ABCC1: variants seen among roughly 807,000 people sequenced by gnomAD.
ABCC1 encodes the protein ATP binding cassette subfamily C member 1 (ABCC1 blood group).
A neutral mutation model predicts 172.9 loss-of-function variants in ABCC1; 83 were observed. The ratio of observed to expected loss-of-function variants is 0.48; its 90% CI spans 0.40 to 0.58. The LOEUF (loss-of-function observed/expected upper bound fraction) is 0.58. Ranked by LOEUF, ABCC1 falls within the 20% of genes least tolerant of loss-of-function variation. The pLI, the probability that ABCC1 is intolerant of heterozygous loss-of-function variation, is 0.00. For missense variants in ABCC1, 1,817 were observed against 2,002.7 expected (o/e 0.91, Z 1.77); for synonymous variants, 937 against 825.2 (o/e 1.14, Z -2.32).
chr16:16,136,040 C>T (rs2045902734), intron 28 of ABCC1, among the ~76,000 whole-genome samples: 2 of 149,552 alleles, frequency 1.3e-5, no homozygotes, highest in South Asian at 4.2e-4. Flanking sequence ...ATTATTAAGG[C>T]AATTTTTTTT....
At position 16,138,548 on chromosome 16, in the gene ABCC1, G is replaced by A; in HGVS notation, c.4477G>A (p.Asp1493Asn). Reference sequence around the variant, plus strand: ...CGCCCACCGGCTCAACACCATCATGGACTACACAAGGTGATGCCACTGGCA... The same window carrying A: ...CGCCCACCGGCTCAACACCATCATGAACTACACAAGGTGATGCCACTGGCA... ...TIAHRLNTIM[D>N]YTRVIVLDKG... Residue 1493 changes from aspartate to asparagine, a missense_variant, in exon 30 of 31, where the codon GAC becomes AAC. Asp to Asn is a conservative substitution (Grantham distance 23). Transcript: ENST00000399410. 6.3e-7 allele frequency: 1 copy of A among 1,592,758 alleles called. No homozygotes were observed. Among genetic ancestry groups the A allele is most frequent in the African/African-American group, 1.3e-5 (1 of 74,620 alleles).
At chr16:16,052,842 C>T (rs1277780746) in intron 11 of ABCC1, 26 bp downstream of exon 11, 1 of 1,609,264 alleles carries the variant, frequency 6.2e-7, no homozygotes, top group Non-Finnish European at 8.5e-7. Context: ...CTGCGGGCCC[C>T]CAAGCCGGGC....
At chr16:15,959,897 C>A (rs938044473) in intron 1 of ABCC1, among the ~76,000 whole-genome samples, 1 of 152,062 alleles carries the variant, frequency 6.6e-6, no homozygotes. Context: ...CTCTGAGAAA[C>A]CTGTCTAGGG....
intron 5 of ABCC1, among the ~76,000 whole-genome samples, chr16:16,024,179 A>G (rs761571320): frequency 1.3e-5 from 2 of 152,140 alleles, no homozygotes; most frequent in Non-Finnish European, 2.9e-5. Flanking sequence ...AGATCGCGCC[A>G]CTGTACTCCA....
intron 18 of ABCC1, among the ~76,000 whole-genome samples, 196 bp downstream of exon 18, chr16:16,087,187 TC>T (rs2051043734): frequency 6.6e-6 from 1 of 152,142 alleles, no homozygotes; most frequent in South Asian, 2.1e-4. Flanking sequence ...TAGGGGTAAG[TC>T]CTCCGCGCAG....
At chr16:16,124,385 G>GTGTGTGTGTGTGTGTGTGTGTGTA in intron 24 of ABCC1, among the ~76,000 whole-genome samples, 1 of 109,204 alleles carries the variant, frequency 9.2e-6, no homozygotes, top group Admixed American at 1.1e-4. Flanking sequence ...GGCTGTGTGT[G>GTGTGTGTGTGTGTGTGTGTGTGTA]TGTGTGTGTG....
At chr16:15,974,503 T>C (rs531407933) in intron 1 of ABCC1, among the ~76,000 whole-genome samples, 19 of 152,294 alleles carry the variant, frequency 1.2e-4, no homozygotes, top group African/African-American at 4.3e-4. Flanking sequence ...TTTTTAACTT[T>C]TCCTTCTTAA....
Position 16,114,344 on chromosome 16 carries a change from A to AT in ABCC1, c.3080-409dup, listed in dbSNP as rs1029906186. ...CATTATCATCATCATTATTATTACT[A>AT]TTTTTTTTTTTTTGAGACGGAGTCT... On this transcript the variant is annotated intron_variant, in intron 22 of 30. Coordinates refer to ENST00000399410, the MANE Select transcript of ABCC1 (RefSeq NM_004996.4). Among the ~76,000 whole-genome samples, 1,333 of 145,640 alleles carry AT rather than the reference A, an allele frequency of 9.2e-3. 11 individuals are homozygous for AT. The highest frequency in any genetic ancestry group is 0.014 in the Admixed American group (208 of 14,496).
intron 18 of ABCC1, among the ~76,000 whole-genome samples, chr16:16,089,750 G>GC (rs2051163805): frequency 6.7e-6 from 1 of 150,330 alleles, no homozygotes; most frequent in African/African-American, 2.4e-5. Context: ...GGTGGCGGGC[G>GC]CATGTAATCC....
chr16:15,986,515 G>A (rs2046748137), intron 1 of ABCC1, among the ~76,000 whole-genome samples: 1 of 152,174 alleles, frequency 6.6e-6, no homozygotes, highest in Non-Finnish European at 1.5e-5. Flanking sequence ...CCGTGCATGC[G>A]AGGGACCTAG....
intron 1 of ABCC1, among the ~76,000 whole-genome samples, chr16:15,982,741 GACTGCAGTCAGCTATGACCACACC>G (rs2046650805): frequency 7.5e-6 from 1 of 133,446 alleles, no homozygotes; most frequent in African/African-American, 2.8e-5. Flanking sequence ...AGGAGGTTGA[GACTGCAGTCAGCTATGACCACACC>G]ACTGCACTCC....
At chr16:16,005,135 T>C (rs1370936151) in intron 1 of ABCC1, among the ~76,000 whole-genome samples, 2 of 150,334 alleles carry the variant, frequency 1.3e-5, no homozygotes, top group Non-Finnish European at 3.0e-5. Flanking sequence ...TCCTTGACAC[T>C]CCATGGGGGT....
rs1363183014 is a variant in ABCC1, at chr16:15,957,052, C to T, written c.48+7253C>T. Among the ~76,000 whole-genome samples, 6 of 151,980 alleles carry T rather than the reference C, an allele frequency of 3.9e-5. No homozygotes were observed. In the East Asian group the frequency reaches 9.6e-4, roughly 24 times the overall value. ...AATGAACACTCAGATAAACTGAGTCCTCCAGCTTTCTCATCAGATGGCTTG... is the reference window on the plus strand; with the variant it reads ...AATGAACACTCAGATAAACTGAGTCTTCCAGCTTTCTCATCAGATGGCTTG... On this transcript the variant is annotated intron_variant, in intron 1 of 30. Transcript: ENST00000399410.
At chr16:16,033,950 C>T (rs1278703949) in intron 6 of ABCC1, among the ~76,000 whole-genome samples, 1 of 146,836 alleles carries the variant, frequency 6.8e-6, no homozygotes, top group Non-Finnish European at 1.5e-5. Context: ...TTTTGTATAT[C>T]TTTTTCTGCC....
chr16:16,088,317 T>C (rs2051100826), intron 18 of ABCC1, among the ~76,000 whole-genome samples: 1 of 152,126 alleles, frequency 6.6e-6, no homozygotes, highest in South Asian at 2.1e-4. Context: ...TGGTGATGCA[T>C]GGCTGTAATC....
At chr16:16,129,103 C>T (rs951012355) in intron 26 of ABCC1, among the ~76,000 whole-genome samples, 1 of 152,202 alleles carries the variant, frequency 6.6e-6, no homozygotes, top group Non-Finnish European at 1.5e-5. Context: ...GGGTGAATTT[C>T]CCCCAAAACT....
At chr16:16,079,536 T>G in intron 16 of ABCC1, 58 bp downstream of exon 16, 4 of 1,565,606 alleles carry the variant, frequency 2.6e-6, no homozygotes, top group Non-Finnish European at 3.5e-6. Flanking sequence ...GAGGAAAAGC[T>G]CAGAAATGAT....
intron 22 of ABCC1, 47 bp downstream of exon 22, chr16:16,111,629 G>A: frequency 6.5e-7 from 1 of 1,549,460 alleles, no homozygotes; most frequent in Non-Finnish European, 8.8e-7. Context: ...CCCCTGTTGT[G>A]GCTTTGTCTA....
rs2046139279 is a variant in ABCC1, at chr16:16,141,943, G to A, written c.*662G>A. ...CTACCAGTTCTCGTTTTGGGCCAGAGGCAGCCTCTGCACTCCCACGCCTGT... is the reference window on the plus strand; with the variant it reads ...CTACCAGTTCTCGTTTTGGGCCAGAAGCAGCCTCTGCACTCCCACGCCTGT... On this transcript the variant is annotated 3_prime_UTR_variant, in exon 31 of 31. Transcript: ENST00000399410. 6.6e-6 allele frequency: 1 copy of A among 152,280 alleles called. No individual in the cohort carries two copies. Among genetic ancestry groups the A allele is most frequent in the Admixed American group, 6.5e-5 (1 of 15,278 alleles). 9.4% of individuals were successfully genotyped at this position (152,280 alleles called of 1,614,324 possible).
Sources: allele counts gnomAD v4.1 joint callset (sites outside exome capture counted in the v4.1 genomes callset), GRCh38; gene constraint gnomAD v4.1.1; transcripts MANE v1.5; gene names NCBI Gene and HGNC (gene_info 2026-07-23, HGNC 2026-07-21).